Variants in TBC1D8 observed in about 807,000 individuals in gnomAD.
TBC1D8 encodes the protein BUB2-like protein 1.
In TBC1D8, 65 loss-of-function variants were observed where a neutral mutation model predicts 118.8. That is an observed-to-expected ratio of 0.55 (90% confidence interval 0.45 to 0.67). The LOEUF is 0.67. Among genes scored for constraint, TBC1D8 ranks in the 30% least tolerant of loss-of-function variants. The pLI, the probability that TBC1D8 is intolerant of heterozygous loss-of-function variation, is 0.00. For synonymous variants in TBC1D8, 566 were observed against 595.8 expected, an observed-to-expected ratio of 0.95 and a Z score of 0.73; for missense variants, 1,376 against 1,471.2, an observed-to-expected ratio of 0.94 and a Z score of 1.06.
At chr2:101,119,171 G>C (rs1164385410) in intron 1 of TBC1D8, among the ~76,000 whole-genome samples, 1 of 152,142 alleles carries the variant, frequency 6.6e-6, no homozygotes, top group African/African-American at 2.4e-5. Context: ...AATTTTTAAG[G>C]CTCCTCAAGC....
chr2:101,084,584 C>T (rs1215756003), intron 2 of TBC1D8, among the ~76,000 whole-genome samples: 4 of 152,100 alleles, frequency 2.6e-5, no homozygotes, highest in African/African-American at 7.2e-5. Flanking sequence ...TCCATGCAGC[C>T]GTTCCTCAGG....
At chr2:101,010,246 C>T (rs945715312) in intron 19 of TBC1D8, among the ~76,000 whole-genome samples, 11 of 152,164 alleles carry the variant, frequency 7.2e-5, no homozygotes, top group African/African-American at 2.7e-4. Context: ...GTTTTAGAGA[C>T]TCCTCTATCA....
rs752095557 is a variant in TBC1D8, at chr2:101,029,744, G to T, written c.1969C>A (p.Leu657Ile). Residue 657 changes from leucine to isoleucine, a missense_variant, in exon 12 of 20, where the codon CTC (leucine) becomes ATC (isoleucine). Leu to Ile is a conservative substitution (Grantham distance 5). Coordinates refer to ENST00000409318, the MANE Select transcript of TBC1D8 (RefSeq NM_001330348.2). ...AQVDQSVFEE[L>I]IKGHLPELAE... The stretch of plus-strand genomic sequence containing the variant: ...AGCTCTGGGAGATGACCCTTGATGA[G>T]CTCCTCGAAGACAGACTGGTCAACT... 6.2e-7 allele frequency: 1 copy of T among 1,613,996 alleles called. No homozygotes were observed. Among genetic ancestry groups the T allele is most frequent in the Non-Finnish European group, 8.5e-7 (1 of 1,179,870 alleles).
intron 11 of TBC1D8, among the ~76,000 whole-genome samples, chr2:101,031,768 A>G (rs1171454764): frequency 6.6e-6 from 1 of 152,080 alleles, no homozygotes; most frequent in African/African-American, 2.4e-5. Context: ...CTGCCCTTTA[A>G]CTGACCACAT....
chr2:101,116,431 C>G (rs1214332984), intron 1 of TBC1D8, among the ~76,000 whole-genome samples: 1 of 152,098 alleles, frequency 6.6e-6, no homozygotes, highest in Non-Finnish European at 1.5e-5. Context: ...GGGATCATCC[C>G]CACCGCACTG....
chr2:101,141,567 A>G (rs1431766367), intron 1 of TBC1D8, among the ~76,000 whole-genome samples: 1 of 152,186 alleles, frequency 6.6e-6, no homozygotes, highest in East Asian at 1.9e-4. Context: ...ATTCCCCTCC[A>G]AGCAGCTCTT....
chr2:101,050,704 CAGCA>C lies in TBC1D8; in HGVS notation c.632-67_632-64del. The stretch of plus-strand genomic sequence containing the variant: ...AAATTTGAGCCAAACTTGAGTGTGT[CAGCA>C]AGCAACTATCCAAAGCTCTCCTTAG... On this transcript the variant is annotated intron_variant, in intron 4 of 19. Coordinates refer to ENST00000409318, the MANE Select transcript of TBC1D8 (RefSeq NM_001330348.2). 20 of 1,576,032 alleles carry C rather than the reference CAGCA, an allele frequency of 1.3e-5. No individual in the cohort carries two copies. The South Asian group carries it at 2.3e-4, about 18-fold the overall frequency.
At chr2:101,126,087 C>A (rs1678341562) in intron 1 of TBC1D8, among the ~76,000 whole-genome samples, 1 of 152,170 alleles carries the variant, frequency 6.6e-6, no homozygotes, top group South Asian at 2.1e-4. Context: ...GTATCTGTGT[C>A]TGATGAAGCC....
At chr2:101,011,427 G>A (rs545650265) in intron 18 of TBC1D8, 24 bp downstream of exon 18, 1 of 1,612,440 alleles carries the variant, frequency 6.2e-7, no homozygotes, top group Admixed American at 1.7e-5. Flanking sequence ...GCAGGGGAAA[G>A]CAACAATGAA....
chr2:101,106,678 G>A (rs1008155722), intron 1 of TBC1D8, among the ~76,000 whole-genome samples: 6 of 152,262 alleles, frequency 3.9e-5, no homozygotes, highest in Admixed American at 6.5e-5. Flanking sequence ...ACACACATTC[G>A]GTAGAAACCA....
At chr2:101,146,065 C>T (rs1164743126) in intron 1 of TBC1D8, among the ~76,000 whole-genome samples, 2 of 150,644 alleles carry the variant, frequency 1.3e-5, no homozygotes, top group Non-Finnish European at 3.0e-5. Context: ...TTTATTAATT[C>T]TAAGCCTTAT....
intron 2 of TBC1D8, among the ~76,000 whole-genome samples, chr2:101,073,264 T>A (rs13032971): frequency 6.6e-6 from 1 of 150,686 alleles, no homozygotes; most frequent in Non-Finnish European, 1.5e-5. Flanking sequence ...TGTTTTATTT[T>A]TTTTATTTTT....
At chr2:101,094,609 G>C (rs1331745534) in intron 1 of TBC1D8, among the ~76,000 whole-genome samples, 3 of 152,160 alleles carry the variant, frequency 2.0e-5, no homozygotes, top group Non-Finnish European at 4.4e-5. Flanking sequence ...TGGAAGTAGT[G>C]ACTTTTTAAC....
chr2:101,053,784 C>A (rs1045126035), intron 4 of TBC1D8, among the ~76,000 whole-genome samples: 1 of 152,134 alleles, frequency 6.6e-6, no homozygotes, highest in Non-Finnish European at 1.5e-5. Context: ...TGTTAAGAAG[C>A]AGGAATATGT....
At chr2:101,085,295 G>A (rs1675538700) in intron 2 of TBC1D8, among the ~76,000 whole-genome samples, 1 of 152,048 alleles carries the variant, frequency 6.6e-6, no homozygotes, top group African/African-American at 2.4e-5. Flanking sequence ...TAAGAACATG[G>A]TATGGCTGTG....
chr2:101,068,226 C>T (rs942484047), intron 2 of TBC1D8, among the ~76,000 whole-genome samples: 13 of 152,176 alleles, frequency 8.5e-5, no homozygotes, highest in African/African-American at 2.7e-4. Flanking sequence ...TTTTGACCTC[C>T]TTCCAAGAAT....
At chr2:101,149,136 C>T (rs1441059) in intron 1 of TBC1D8, among the ~76,000 whole-genome samples, 2 of 152,140 alleles carry the variant, frequency 1.3e-5, no homozygotes, top group East Asian at 1.9e-4. Flanking sequence ...TAGACTTTTC[C>T]CTCTTTATGG....
rs769405627 is a variant in TBC1D8, at chr2:101,066,108, G to A, written c.284-6569C>T. ...CAGCCTGGCCAACATGGTGAAACCC[G>A]GTCGGTCTTTACTAAAAATACAAAA... On this transcript the variant is annotated intron_variant, in intron 2 of 19. Coordinates refer to ENST00000409318, the MANE Select transcript of TBC1D8 (RefSeq NM_001330348.2). 1.1e-3 allele frequency among the ~76,000 whole-genome samples: 160 copies of A among 151,686 alleles called. 3 individuals are homozygous for A. Among genetic ancestry groups the A allele is most frequent in the Non-Finnish European group, 1.1e-3 (72 of 67,856 alleles).
chr2:101,026,661 C>T, intron 15 of TBC1D8, among the ~76,000 whole-genome samples: 1 of 152,176 alleles, frequency 6.6e-6, no homozygotes, highest in East Asian at 1.9e-4. Flanking sequence ...CTTTCTGCAA[C>T]TGCGCTTCCT....
Sources: gnomAD v4.1 joint callset for allele counts (sites outside exome capture counted in the v4.1 genomes callset) on GRCh38, gnomAD v4.1.1 for gene constraint, MANE v1.5 for transcripts, NCBI Gene and HGNC (gene_info 2026-07-23, HGNC 2026-07-21) for gene names.